The following ABCC4 variants were observed in gnomAD, a reference collection of about 807,000 sequenced individuals.
ABCC4 encodes ATP binding cassette subfamily C member 4 (PEL blood group).
Under a neutral mutation model 168.5 loss-of-function variants are expected in ABCC4, and 102 were observed. The observed-to-expected ratio is 0.61, with a 90% CI of 0.52 to 0.71. The LOEUF (loss-of-function observed/expected upper bound fraction) is 0.71, where lower values mean the gene tolerates loss of function less well. Ranked by LOEUF, ABCC4 falls within the 30% of genes least tolerant of loss-of-function variation. ABCC4 has a pLI of 0.00. For synonymous variants in ABCC4, 617 were observed against 590.7 expected (o/e 1.04, Z -0.65); for missense variants, 1,402 against 1,605.8 (o/e 0.87, Z 2.17).
intron 21 of ABCC4, among the ~76,000 whole-genome samples, chr13:95,079,437 T>A (rs1678362): frequency 6.6e-6 from 1 of 152,106 alleles, no homozygotes; most frequent in Non-Finnish European, 1.5e-5. Flanking sequence ...AAGGCTATAG[T>A]GCCTCTGGTA....
At chr13:95,150,494 C>G (rs2036639433) in intron 19 of ABCC4, among the ~76,000 whole-genome samples, 1 of 149,868 alleles carries the variant, frequency 6.7e-6, no homozygotes, top group Non-Finnish European at 1.5e-5. Context: ...CCCCCTCCCT[C>G]CCCCTTCCCC....
At chr13:95,159,762 G>A (rs1029961953) in intron 19 of ABCC4, among the ~76,000 whole-genome samples, 2 of 152,186 alleles carry the variant, frequency 1.3e-5, no homozygotes, top group Non-Finnish European at 2.9e-5. Context: ...ATCCTTGCAC[G>A]TTGCACAGTG....
intron 1 of ABCC4, among the ~76,000 whole-genome samples, chr13:95,284,162 G>T (rs1438499103): frequency 2.0e-5 from 3 of 152,020 alleles, no homozygotes; most frequent in Non-Finnish European, 4.4e-5. Context: ...TTTTTGTTTT[G>T]GTTTTGTTTG....
intron 11 of ABCC4, among the ~76,000 whole-genome samples, chr13:95,185,307 G>A (rs1001764097): frequency 2.6e-5 from 4 of 152,252 alleles, no homozygotes; most frequent in East Asian, 1.9e-4. Flanking sequence ...TTGCCTTAGC[G>A]CATCTTTTCC....
intron 6 of ABCC4, among the ~76,000 whole-genome samples, chr13:95,208,526 T>G (rs576047714): frequency 2.4e-4 from 37 of 151,468 alleles, no homozygotes; most frequent in African/African-American, 8.2e-4. Flanking sequence ...ACCTTGACAA[T>G]GAACCATTTC....
intron 19 of ABCC4, among the ~76,000 whole-genome samples, chr13:95,128,340 G>A (rs984668530): frequency 5.9e-5 from 9 of 152,124 alleles, no homozygotes; most frequent in African/African-American, 2.2e-4. Flanking sequence ...GCCACACAAT[G>A]GCTAGGCTAA....
chr13:95,232,125 A>ACGG (rs1555334357), intron 4 of ABCC4, among the ~76,000 whole-genome samples: 1 of 150,892 alleles, frequency 6.6e-6, no homozygotes, highest in African/African-American at 2.4e-5. Flanking sequence ...GCTGCTGATG[A>ACGG]TGATGGTGGT....
At chr13:95,179,576 G>C (rs1034911124) in intron 11 of ABCC4, among the ~76,000 whole-genome samples, 12 of 152,280 alleles carry the variant, frequency 7.9e-5, no homozygotes, top group African/African-American at 2.4e-4. Context: ...ATAATGATCA[G>C]GTTTAAGTTA....
chr13:95,021,626 G>A lies in ABCC4; in HGVS notation c.3927C>T (p.Asn1309=). The change falls in exon 31 of 31, where the codon AAC becomes AAT. Residue 1309 remains asparagine (N), a synonymous_variant. Transcript: ENST00000645237. ...AGGTCGAGGGCTGTCCATTGGAAGT[G>A]TTTGTAACCATGTGGTCAGTGTGAC... ...HIGHTDHMVT[N]TSNGQPSTLT... The A allele has an allele frequency of 6.2e-7, 1 of 1,613,386 alleles. No homozygotes were observed. The highest frequency in any genetic ancestry group is 8.5e-7 in the Non-Finnish European group (1 of 1,179,420).
chr13:95,086,972 T>G (rs1183516488), intron 20 of ABCC4, among the ~76,000 whole-genome samples: 1 of 152,152 alleles, frequency 6.6e-6, no homozygotes, highest in Non-Finnish European at 1.5e-5. Context: ...TGTTCTAAGC[T>G]GTGATAAGTA....
At chr13:95,126,168 A>G (rs1189528217) in intron 19 of ABCC4, among the ~76,000 whole-genome samples, 9 of 152,306 alleles carry the variant, frequency 5.9e-5, no homozygotes, top group African/African-American at 2.2e-4. Flanking sequence ...TCCCTAAGAC[A>G]TAGTTTTTAC....
intron 4 of ABCC4, among the ~76,000 whole-genome samples, chr13:95,214,703 T>C (rs556240332): frequency 2.0e-5 from 3 of 151,648 alleles, no homozygotes; most frequent in Non-Finnish European, 4.4e-5. Context: ...CTGGCCAACA[T>C]GGTGAGACCC....
chr13:95,172,348 G>C (rs528970975), intron 13 of ABCC4, among the ~76,000 whole-genome samples: 3 of 152,210 alleles, frequency 2.0e-5, no homozygotes, highest in Middle Eastern at 3.4e-3. Flanking sequence ...TTGGAAGGCT[G>C]AGGCAGACAG....
At chr13:95,257,985 T>G (rs1474026175) in intron 1 of ABCC4, among the ~76,000 whole-genome samples, 2 of 152,230 alleles carry the variant, frequency 1.3e-5, no homozygotes, top group Non-Finnish European at 2.9e-5. Flanking sequence ...GCCTCACTTA[T>G]GTGAGCCCAC....
chr13:95,186,791 G>A lies in ABCC4; in HGVS notation c.1455C>T (p.Phe485=). ...IAYVSQQPWV[F]SGTLRSNILF... ...AAATATTACTCCTCAGAGTTCCCGA[G>A]AACACCCAGGGCTGCTGAGACACAT... Residue 485 remains phenylalanine (F), a synonymous_variant, in exon 11 of 31, where the codon TTC becomes TTT. Transcript: ENST00000645237. 1 of 1,614,064 alleles carries A rather than the reference G, an allele frequency of 6.2e-7. No individual in the cohort carries two copies. Among genetic ancestry groups the A allele is most frequent in the Non-Finnish European group, 8.5e-7 (1 of 1,180,010 alleles).
intron 19 of ABCC4, among the ~76,000 whole-genome samples, chr13:95,142,862 G>C (rs1461777431): frequency 6.6e-6 from 1 of 152,008 alleles, no homozygotes; most frequent in African/African-American, 2.4e-5. Flanking sequence ...CAGCAAACAA[G>C]AAAGAAAGCA....
At chr13:95,188,321 C>G in intron 10 of ABCC4, 132 bp downstream of exon 10, 1 of 798,490 alleles carries the variant, frequency 1.3e-6, no homozygotes, top group Admixed American at 1.9e-5. Context: ...AACGAATGTT[C>G]CATGCACTGA....
intron 1 of ABCC4, among the ~76,000 whole-genome samples, chr13:95,291,184 C>A (rs569283269): frequency 6.6e-6 from 1 of 151,566 alleles, no homozygotes; most frequent in East Asian, 2.0e-4. Context: ...CAAAACCCCA[C>A]CTCTACAAAA....
At chr13:95,125,184 G>A (rs925637214) in intron 19 of ABCC4, among the ~76,000 whole-genome samples, 39 of 152,306 alleles carry the variant, frequency 2.6e-4, no homozygotes, top group African/African-American at 8.9e-4. Context: ...AGCTCCTGGA[G>A]GTTCAGAAAG....
Sources: gnomAD v4.1 joint callset for allele counts (sites outside exome capture counted in the v4.1 genomes callset) on GRCh38, gnomAD v4.1.1 for gene constraint, MANE v1.5 for transcripts, NCBI Gene and HGNC (gene_info 2026-07-23, HGNC 2026-07-21) for gene names.